NBEA: variants seen among roughly 807,000 people sequenced by gnomAD.
NBEA encodes the protein neurobeachin.
NBEA carries 44 observed loss-of-function variants against 343.4 expected under a neutral mutation model. That is an observed-to-expected ratio of 0.13 (90% CI 0.10 to 0.16). The LOEUF is 0.16. NBEA is among the 10% of genes least tolerant of loss of function. The probability of loss-of-function intolerance (pLI) is 1.00; values close to 1 mark genes in which losing one functional copy is unlikely to be tolerated. For missense variants in NBEA, 2,555 were observed against 3,631.3 expected (o/e 0.70, Z 7.62); for synonymous variants, 1,175 against 1,238.7 (o/e 0.95, Z 1.08).
At chr13:34,954,392 A>G (rs1206993851) in intron 1 of NBEA, among the ~76,000 whole-genome samples, 1 of 152,124 alleles carries the variant, frequency 6.6e-6, no homozygotes, top group East Asian at 1.9e-4. Context: ...AGTATCTGGC[A>G]TTTTGTGGTG....
intron 33 of NBEA, among the ~76,000 whole-genome samples, chr13:35,212,161 T>C (rs778231647): frequency 2.4e-4 from 36 of 152,200 alleles, no homozygotes; most frequent in Admixed American, 7.2e-4. Context: ...TGCACTTTTT[T>C]CCCAGTCACT....
At chr13:35,517,556 A>G (rs1289739186) in intron 41 of NBEA, among the ~76,000 whole-genome samples, 1 of 152,220 alleles carries the variant, frequency 6.6e-6, no homozygotes, top group African/African-American at 2.4e-5. Flanking sequence ...TCTTTAGCTC[A>G]GCATCAGAAG....
At chr13:35,316,372 C>A (rs1171540168) in intron 36 of NBEA, among the ~76,000 whole-genome samples, 3 of 151,984 alleles carry the variant, frequency 2.0e-5, no homozygotes, top group Non-Finnish European at 4.4e-5. Flanking sequence ...GTTTTCTGTT[C>A]CTGTGTTAGT....
intron 36 of NBEA, among the ~76,000 whole-genome samples, chr13:35,310,071 AT>A (rs534904612): frequency 1.9e-3 from 291 of 150,296 alleles, no homozygotes; most frequent in East Asian, 0.018. Flanking sequence ...ATATTCTATT[AT>A]TTTTTTTTTC....
chr13:35,106,766 C>G (rs561545761), intron 11 of NBEA, among the ~76,000 whole-genome samples: 5 of 151,466 alleles, frequency 3.3e-5, no homozygotes, highest in Non-Finnish European at 5.9e-5. Context: ...TGGCCCCCTC[C>G]GCCTTTTTTT....
intron 36 of NBEA, among the ~76,000 whole-genome samples, chr13:35,336,307 AAC>A (rs2039255964): frequency 6.6e-5 from 10 of 152,232 alleles, no homozygotes; most frequent in African/African-American, 2.4e-4. Flanking sequence ...CACAGCAAAA[AAC>A]CAAATCAATA....
chr13:34,955,957 G>C (rs1742286967), intron 1 of NBEA, among the ~76,000 whole-genome samples: 1 of 152,156 alleles, frequency 6.6e-6, no homozygotes, highest in Non-Finnish European at 1.5e-5. Context: ...CTCTGGCCCA[G>C]TTAAGTTGAC....
intron 13 of NBEA, among the ~76,000 whole-genome samples, chr13:35,112,043 A>T (rs1244952833): frequency 6.7e-6 from 1 of 149,936 alleles, no homozygotes; most frequent in Non-Finnish European, 1.5e-5. Flanking sequence ...CAGCCTCCCG[A>T]GTAGCTGGGA....
At chr13:35,082,833 A>G (rs1354255725) in intron 10 of NBEA, among the ~76,000 whole-genome samples, 1 of 151,982 alleles carries the variant, frequency 6.6e-6, no homozygotes, top group African/African-American at 2.4e-5. Flanking sequence ...TTGTCAGATG[A>G]GTAGATTGCA....
At chr13:35,124,631 TACACACACATATATGGATATACAC>T (rs1407008654) in intron 17 of NBEA, among the ~76,000 whole-genome samples, 1 of 143,910 alleles carries the variant, frequency 6.9e-6, no homozygotes, top group African/African-American at 2.6e-5. Context: ...TGGATATACA[TACACACACATATATGGATATACAC>T]ACACATATAT....
At chr13:35,181,076 A>T (rs1038858596) in intron 28 of NBEA, among the ~76,000 whole-genome samples, 1 of 151,900 alleles carries the variant, frequency 6.6e-6, no homozygotes, top group Non-Finnish European at 1.5e-5. Flanking sequence ...TCATTGATTG[A>T]TGGGCATTTG....
intron 38 of NBEA, among the ~76,000 whole-genome samples, chr13:35,359,860 G>C (rs2040709196): frequency 6.7e-6 from 1 of 149,416 alleles, no homozygotes; most frequent in South Asian, 2.1e-4. Flanking sequence ...GTGTGTGTGT[G>C]AGATCTCAGT....
At chr13:35,208,390 T>A (rs1367818028) in intron 31 of NBEA, among the ~76,000 whole-genome samples, 2 of 152,158 alleles carry the variant, frequency 1.3e-5, no homozygotes, top group Admixed American at 1.3e-4. Flanking sequence ...CAAAATCTCC[T>A]AACTTTAGCA....
At chr13:35,178,108 G>A (rs918900438) in intron 28 of NBEA, among the ~76,000 whole-genome samples, 12 of 151,546 alleles carry the variant, frequency 7.9e-5, no homozygotes, top group African/African-American at 2.9e-4. Context: ...GATTAACACA[G>A]GAGTGAGAGA....
intron 38 of NBEA, among the ~76,000 whole-genome samples, chr13:35,400,362 G>T (rs1212537): frequency 6.6e-6 from 1 of 151,854 alleles, no homozygotes; most frequent in African/African-American, 2.4e-5. Context: ...ATATATCATA[G>T]AACTATTGTA....
chr13:35,395,041 G>A (rs983842750), intron 38 of NBEA, among the ~76,000 whole-genome samples: 2 of 151,890 alleles, frequency 1.3e-5, no homozygotes, highest in African/African-American at 4.8e-5. Flanking sequence ...TTAAGTTTCC[G>A]ATATTTGGAG....
intron 41 of NBEA, chr13:35,475,663 T>G: frequency 6.2e-7 from 1 of 1,613,738 alleles, no homozygotes; most frequent in Non-Finnish European, 8.5e-7. Context: ...GATTCTCAGT[T>G]TCACTTCGCT....
chr13:35,517,705 A>G (rs552317208), intron 41 of NBEA, among the ~76,000 whole-genome samples: 1 of 152,256 alleles, frequency 6.6e-6, no homozygotes, highest in Non-Finnish European at 1.5e-5. Context: ...TGTATTTCTC[A>G]CATCTTTGAA....
chr13:35,470,901 T>C (rs895337343), intron 40 of NBEA, among the ~76,000 whole-genome samples: 1 of 152,168 alleles, frequency 6.6e-6, no homozygotes, highest in Admixed American at 6.5e-5. Context: ...TGATGATCCT[T>C]TAAAGTGGTG....
Sources: gnomAD v4.1 joint callset for allele counts (sites outside exome capture counted in the v4.1 genomes callset) on GRCh38, gnomAD v4.1.1 for gene constraint, MANE v1.5 for transcripts, NCBI Gene and HGNC (gene_info 2026-07-23, HGNC 2026-07-21) for gene names.